The following PID1 variants were observed in gnomAD, a reference collection of about 807,000 sequenced individuals.
PID1 encodes PTB-containing, cubilin and LRP1-interacting protein.
A neutral mutation model predicts 19.1 loss-of-function variants in PID1; 10 were observed. The observed-to-expected ratio is 0.52, with a 90% CI of 0.32 to 0.89. The LOEUF is 0.89. Among genes scored for constraint, PID1 ranks in the 40% least tolerant of loss-of-function variants. PID1 has a pLI of 0.03. For missense variants in PID1, 248 were observed against 285.3 expected (o/e 0.87, Z 0.94); for synonymous variants, 130 against 116.0 (o/e 1.12, Z -0.78).
At chr2:229,229,500 G>T (rs1213186017) in intron 1 of PID1, among the ~76,000 whole-genome samples, 1 of 152,162 alleles carries the variant, frequency 6.6e-6, no homozygotes, top group Non-Finnish European at 1.5e-5. Context: ...AGCCAGGTAT[G>T]GTGGTGCATG....
chr2:229,176,025 G>A (rs1321678584), intron 1 of PID1, among the ~76,000 whole-genome samples: 1 of 152,018 alleles, frequency 6.6e-6, no homozygotes, highest in African/African-American at 2.4e-5. Flanking sequence ...ATCTATCAAA[G>A]CTACAAATTT....
At chr2:229,187,992 T>A (rs1691172163) in intron 1 of PID1, among the ~76,000 whole-genome samples, 1 of 152,230 alleles carries the variant, frequency 6.6e-6, no homozygotes, top group Admixed American at 6.5e-5. Flanking sequence ...ACTGAGAATA[T>A]GTTTACCCTT....
At position 229,138,467 on chromosome 2, in the gene PID1, G is replaced by A. The variant is rs545673969; in HGVS notation, c.177+17351C>T. ...AGTAAAATACCCATTTGACTTGGGT[G>A]ATCACTGAACCAAGCCTGGAAAAGA... is the stretch of plus-strand genomic sequence containing the variant. On this transcript the variant is annotated intron_variant, in intron 2 of 2. Coordinates refer to ENST00000392055, the MANE Select transcript of PID1 (RefSeq NM_001100818.2). Among the ~76,000 whole-genome samples the A allele has an allele frequency of 3.3e-5, 5 of 152,168 alleles. No homozygotes were observed. In the South Asian group the frequency reaches 8.3e-4, roughly 25 times the overall value.
At chr2:229,131,423 G>A (rs1156263243) in intron 2 of PID1, among the ~76,000 whole-genome samples, 2 of 151,978 alleles carry the variant, frequency 1.3e-5, no homozygotes, top group Non-Finnish European at 1.5e-5. Context: ...TAGAGATGGG[G>A]TTTTACCACA....
At chr2:229,050,688 C>A (rs1693976181) in intron 2 of PID1, among the ~76,000 whole-genome samples, 1 of 152,108 alleles carries the variant, frequency 6.6e-6, no homozygotes, top group African/African-American at 2.4e-5. Flanking sequence ...CATACTTGTC[C>A]TGCCATTAGC....
intron 1 of PID1, among the ~76,000 whole-genome samples, chr2:229,219,595 A>G (rs970303095): frequency 2.0e-5 from 3 of 152,188 alleles, no homozygotes; most frequent in African/African-American, 7.2e-5. Context: ...ATGCAGTGGC[A>G]CAATCATAGC....
chr2:229,226,225 T>C (rs1035808301), intron 1 of PID1, among the ~76,000 whole-genome samples: 1 of 152,148 alleles, frequency 6.6e-6, no homozygotes, highest in African/African-American at 2.4e-5. Flanking sequence ...AGTCTGACAC[T>C]TAGGCAGCAG....
intron 2 of PID1, among the ~76,000 whole-genome samples, chr2:229,119,141 A>G (rs558726459): frequency 6.6e-6 from 1 of 152,342 alleles, no homozygotes; most frequent in South Asian, 2.1e-4. Context: ...CTTTCTAAAG[A>G]AATGAAACTA....
In PID1 at chr2:229,024,688, C is replaced by T. The variant is rs1390985926; in HGVS notation, c.*944G>A. ...CCATCAAGGATGCATCAGACAGGACCATTAATTAAATAAGTTACCATAAAT... is the reference window on the plus strand; with the variant it reads ...CCATCAAGGATGCATCAGACAGGACTATTAATTAAATAAGTTACCATAAAT... On this transcript the variant is annotated 3_prime_UTR_variant, in exon 3 of 3. Transcript: ENST00000392055. 6.6e-6 allele frequency: 1 copy of T among 152,528 alleles called. No homozygotes were observed. Among genetic ancestry groups the T allele is most frequent in the East Asian group, 1.9e-4 (1 of 5,176 alleles). 9.4% of individuals were successfully genotyped at this position (152,528 alleles called of 1,614,324 possible).
At chr2:229,265,489 C>T (rs1690571674) in intron 1 of PID1, among the ~76,000 whole-genome samples, 1 of 152,134 alleles carries the variant, frequency 6.6e-6, no homozygotes, top group African/African-American at 2.4e-5. Flanking sequence ...ATAGGGATCA[C>T]AACTTTTTTT....
chr2:229,157,573 A>G (rs1309635497), intron 1 of PID1, among the ~76,000 whole-genome samples: 1 of 152,210 alleles, frequency 6.6e-6, no homozygotes, highest in Non-Finnish European at 1.5e-5. Context: ...ACCTTCACAG[A>G]GCATTAGTGA....
intron 1 of PID1, among the ~76,000 whole-genome samples, chr2:229,233,710 T>C (rs905227230): frequency 1.3e-5 from 2 of 152,168 alleles, no homozygotes; most frequent in African/African-American, 4.8e-5. Flanking sequence ...CAGGTTGGTC[T>C]GGAACTCCTG....
At chr2:229,261,684 G>C (rs1048914670) in intron 1 of PID1, among the ~76,000 whole-genome samples, 1 of 152,196 alleles carries the variant, frequency 6.6e-6, no homozygotes. Context: ...GGACACAGGG[G>C]ATATTCCTTC....
At chr2:229,134,034 A>G (rs997987590) in intron 2 of PID1, among the ~76,000 whole-genome samples, 13 of 152,052 alleles carry the variant, frequency 8.5e-5, no homozygotes, top group Middle Eastern at 3.2e-3. Context: ...AGAAGCTAGT[A>G]TCACTTCCCT....
At chr2:229,241,371 T>G (rs1689864836) in intron 1 of PID1, among the ~76,000 whole-genome samples, 1 of 152,152 alleles carries the variant, frequency 6.6e-6, no homozygotes, top group South Asian at 2.1e-4. Flanking sequence ...CTAATCACCT[T>G]TAACATGTGG....
chr2:229,259,057 G>GTT (rs35065323), intron 1 of PID1, among the ~76,000 whole-genome samples: 148 of 136,914 alleles, frequency 1.1e-3, no homozygotes, highest in Admixed American at 1.7e-3. Flanking sequence ...CAAGGTCGTA[G>GTT]TTTTTTTTTT....
At chr2:229,188,115 A>T (rs938240459) in intron 1 of PID1, among the ~76,000 whole-genome samples, 2 of 152,178 alleles carry the variant, frequency 1.3e-5, no homozygotes, top group African/African-American at 4.8e-5. Context: ...AAAACAAAAA[A>T]AGCAGTGTGG....
intron 1 of PID1, among the ~76,000 whole-genome samples, chr2:229,270,612 A>G (rs538470307): frequency 1.3e-5 from 2 of 148,538 alleles, no homozygotes; most frequent in Non-Finnish European, 3.0e-5. Flanking sequence ...ATGCTTTCAC[A>G]TATCACTTGT....
intron 1 of PID1, among the ~76,000 whole-genome samples, chr2:229,242,009 GTGTTTTTGTTTT>G (rs80223945): frequency 0.32 from 48,676 of 151,026 alleles, 8,905 homozygotes; most frequent in East Asian, 0.68. Flanking sequence ...CAGTAAATCA[GTGTTTTTGTTTT>G]TGTTTTTGTT....
Sources: allele counts gnomAD v4.1 joint callset (sites outside exome capture counted in the v4.1 genomes callset), GRCh38; gene constraint gnomAD v4.1.1; transcripts MANE v1.5; gene names NCBI Gene and HGNC (gene_info 2026-07-23, HGNC 2026-07-21).